The following OVCH2 variants were observed in gnomAD, a reference collection of about 807,000 sequenced individuals.
The protein encoded by OVCH2 is ovochymase 2.
In OVCH2, 88 loss-of-function variants were observed where a neutral mutation model predicts 73.7. The observed-to-expected ratio is 1.19, with a 90% CI of 1.01 to 1.43. OVCH2 has a LOEUF of 1.43. OVCH2 is among the 40% of genes most tolerant of loss of function. OVCH2 has a pLI of 0.00. For synonymous variants in OVCH2, 265 were observed against 234.5 expected (o/e 1.13, Z -1.19); for missense variants, 706 against 674.5 (o/e 1.05, Z -0.52).
chr11:7,701,658 G>T, intron 5 of OVCH2, 58 bp downstream of exon 5: 1 of 1,532,524 alleles, frequency 6.5e-7, no homozygotes, highest in Non-Finnish European at 8.9e-7. Flanking sequence ...TCCATTTTCT[G>T]ATTGCCCACC....
At chr11:7,698,176 A>G (rs934281246) in intron 8 of OVCH2, among the ~76,000 whole-genome samples, 1 of 152,112 alleles carries the variant, frequency 6.6e-6, no homozygotes, top group Non-Finnish European at 1.5e-5. Context: ...CTGTGAGTTT[A>G]TTTGTTTTCA....
rs537871686 is a variant in OVCH2 at position 7,706,382 on chromosome 11, T to G, written c.13A>C (p.Arg5=). Residue 5 remains arginine, a synonymous_variant, in exon 1 of 16, where the codon AGG becomes CGG. Coordinates refer to ENST00000533663, the MANE Select transcript of OVCH2 (RefSeq NM_198185.7). ...CCTAGTAGTAAAATCAGCTTGTTCC[T>G]GCTTATAAGCATTTTGAGACTCATA... is the stretch of plus-strand genomic sequence containing the variant. MLIS[R]NKLILLLGIV... is the part of the protein sequence containing the mutation. The G allele has an allele frequency of 1.0e-4, 161 of 1,576,216 alleles. 1 individual carries two copies. In the South Asian group the frequency reaches 1.7e-3, roughly 16 times the overall value.
At chr11:7,695,033 A>G (rs1421699844) in intron 12 of OVCH2, 25 bp downstream of exon 12, 3 of 1,543,352 alleles carry the variant, frequency 1.9e-6, no homozygotes, top group Non-Finnish European at 2.6e-6. Context: ...TACCATAGCT[A>G]CGTAAGGACA....
the OVCH2 span, among the ~76,000 whole-genome samples, chr11:7,680,232 C>A: frequency 1.3e-5 from 2 of 152,156 alleles, no homozygotes; most frequent in African/African-American, 4.8e-5. Flanking sequence ...AATGTGTGGT[C>A]TCTTAGGCTA....
chr11:7,679,941 G>A, the OVCH2 span, among the ~76,000 whole-genome samples: 13 of 152,180 alleles, frequency 8.5e-5, no homozygotes, highest in Non-Finnish European at 1.6e-4. Flanking sequence ...ACAGTGTGCC[G>A]GGAGAAGGCA....
chr11:7,683,609 A>G, the OVCH2 span, among the ~76,000 whole-genome samples: 1 of 152,158 alleles, frequency 6.6e-6, no homozygotes, highest in Non-Finnish European at 1.5e-5. Flanking sequence ...ATTTGATGTC[A>G]TCCCATTCCA....
At chr11:7,680,154 G>A in the OVCH2 span, among the ~76,000 whole-genome samples, 1 of 152,230 alleles carries the variant, frequency 6.6e-6, no homozygotes, top group Non-Finnish European at 1.5e-5. Context: ...CAATCAGTCA[G>A]AAATTCTGGA....
At chr11:7,701,584 C>A in intron 5 of OVCH2, 109 bp from the exon 6 acceptor site, 1 of 1,473,880 alleles carries the variant, frequency 6.8e-7, no homozygotes. Context: ...TTTCTAAGTA[C>A]AATGTGACAT....
At chr11:7,704,729 A>G (rs1005304955) in intron 1 of OVCH2, 55 bp from the exon 2 acceptor site, 6 of 1,224,328 alleles carry the variant, frequency 4.9e-6, no homozygotes, top group Admixed American at 3.9e-5. Flanking sequence ...GATTGAGGTA[A>G]TATCTTCTCC....
chr11:7,700,059 GAGA>G, intron 7 of OVCH2: 1 of 453,764 alleles, frequency 2.2e-6, no homozygotes, highest in Admixed American at 3.7e-5. Context: ...AGGCCAGTTT[GAGA>G]AGGTCTAGGA....
In OVCH2 at chr11:7,702,952, G is replaced by C. The variant is rs74471210; in HGVS notation, c.291-623C>G. Among the ~76,000 whole-genome samples the C allele has an allele frequency of 3.5e-3, 527 of 152,264 alleles. 4 individuals carry two copies. The highest frequency in any genetic ancestry group is 0.012 in the African/African-American group (504 of 41,556). ...ACTTCCCTGACTCTTGGCCAAATTA[G>C]GTACCTAACTTAACACATAATGTCT... is the stretch of plus-strand genomic sequence containing the variant. On this transcript the variant is annotated intron_variant, in intron 3 of 15. Transcript: ENST00000533663.
At chr11:7,691,838 G>T in intron 13 of OVCH2, 64 bp downstream of exon 13, 4 of 1,267,432 alleles carry the variant, frequency 3.2e-6, no homozygotes, top group Non-Finnish European at 3.3e-6. Flanking sequence ...TCTCCTTTTC[G>T]TTCCCATCTC....
chr11:7,694,909 T>G, intron 12 of OVCH2, 149 bp downstream of exon 12: 1 of 891,804 alleles, frequency 1.1e-6, no homozygotes, highest in Non-Finnish European at 1.6e-6. Flanking sequence ...CAGCAAGTAT[T>G]TATTGACAGC....
intron 1 of OVCH2, chr11:7,705,760 T>A (rs1239336501): frequency 6.6e-6 from 1 of 152,270 alleles, no homozygotes; most frequent in Middle Eastern, 3.2e-3. Flanking sequence ...AATACAAAAT[T>A]TACTATTTCC....
chr11:7,687,225 A>G (rs1205886729), downstream of OVCH2, among the ~76,000 whole-genome samples: 1 of 152,058 alleles, frequency 6.6e-6, no homozygotes, highest in Non-Finnish European at 1.5e-5. Context: ...ATGTAGCTTA[A>G]AAGGTATGTG....
intron 7 of OVCH2, chr11:7,699,004 A>G: frequency 2.1e-6 from 1 of 470,764 alleles, no homozygotes; most frequent in Non-Finnish European, 3.8e-6. Flanking sequence ...AATGGTAATT[A>G]ACTGGAGGTT....
chr11:7,706,315 A>T lies in OVCH2; in HGVS notation c.80T>A (p.Leu27His). 6.3e-7 allele frequency: 1 copy of T among 1,586,234 alleles called. No homozygotes were observed. The highest frequency in any genetic ancestry group is 1.8e-5 in the Admixed American group (1 of 56,070). The stretch of plus-strand genomic sequence containing the variant: ...GTTCATTTGAAACTTACCTTTGGGG[A>T]GCGAAAGAGTTGCAGATTTACCTCG... Reference protein sequence around the residue: ...FERGKSATLSLPKAPSCGQSL... With the variant: ...FERGKSATLSHPKAPSCGQSL... Residue 27 changes from leucine to histidine, a missense_variant, in exon 1 of 16, where the codon CTC becomes CAC. Transcript: ENST00000533663.
rs1156343827 is a variant in OVCH2 at position 7,701,480 on chromosome 11, A to G, written c.560-5T>C. ...AGACTTGTGAGAGGACGCCACCTGA[A>G]AAACAGAGAGATGGAAGCCCCAGCA... On this transcript the variant is annotated splice_polypyrimidine_tract_variant and splice_region_variant and intron_variant, in intron 5 of 15. Transcript: ENST00000533663. 1.9e-6 allele frequency: 3 copies of G among 1,608,558 alleles called. No homozygotes were observed. Among genetic ancestry groups the G allele is most frequent in the Non-Finnish European group, 1.7e-6 (2 of 1,177,906 alleles).
chr11:7,695,240 A>C (rs966561155), intron 11 of OVCH2, 52 bp from the exon 12 acceptor site: 1 of 1,502,318 alleles, frequency 6.7e-7, no homozygotes, highest in African/African-American at 1.4e-5. Context: ...ATAAAGAAGA[A>C]TTCTCACTGC....
Sources: allele counts gnomAD v4.1 joint callset (sites outside exome capture counted in the v4.1 genomes callset), GRCh38; gene constraint gnomAD v4.1.1; transcripts MANE v1.5; gene names NCBI Gene and HGNC (gene_info 2026-07-23, HGNC 2026-07-21).